Variants in PPM1L observed in about 807,000 individuals in gnomAD.
The protein encoded by PPM1L is protein phosphatase 1L.
Under a neutral mutation model 31.4 loss-of-function variants are expected in PPM1L, and 13 were observed. The ratio of observed to expected loss-of-function variants is 0.41; its 90% CI spans 0.27 to 0.66. PPM1L has a LOEUF of 0.66. Ranked by LOEUF, PPM1L falls within the 30% of genes least tolerant of loss-of-function variation. PPM1L has a pLI of 0.29. For missense variants in PPM1L, 326 were observed against 453.7 expected, an observed-to-expected ratio of 0.72 and a Z score of 2.56; for synonymous variants, 184 against 175.4, an observed-to-expected ratio of 1.05 and a Z score of -0.39.
chr3:160,948,217 G>A (rs1715470227), intron 1 of PPM1L, among the ~76,000 whole-genome samples: 1 of 152,162 alleles, frequency 6.6e-6, no homozygotes, highest in African/African-American at 2.4e-5. Flanking sequence ...TTCATGAACT[G>A]TATGCCCATC....
At chr3:161,053,798 A>T (rs968794904) in intron 2 of PPM1L, among the ~76,000 whole-genome samples, 10 of 152,226 alleles carry the variant, frequency 6.6e-5, no homozygotes, top group Non-Finnish European at 1.3e-4. Context: ...GAGCCAAAGT[A>T]TACCTAAATC....
chr3:160,835,969 C>T (rs924346026), intron 1 of PPM1L, among the ~76,000 whole-genome samples: 1 of 151,252 alleles, frequency 6.6e-6, no homozygotes, highest in Non-Finnish European at 1.5e-5. Context: ...GATCACATCC[C>T]ATGACTTCTT....
intron 1 of PPM1L, among the ~76,000 whole-genome samples, chr3:160,922,637 T>A (rs1714454880): frequency 6.6e-6 from 1 of 152,214 alleles, no homozygotes; most frequent in South Asian, 2.1e-4. Context: ...AACAGATACT[T>A]ACAATGAGAT....
chr3:160,760,847 A>G (rs912783995), intron 1 of PPM1L, among the ~76,000 whole-genome samples: 3 of 151,474 alleles, frequency 2.0e-5, no homozygotes, highest in Non-Finnish European at 2.9e-5. Context: ...CATGAGCACT[A>G]CTCTATTAAA....
intron 2 of PPM1L, among the ~76,000 whole-genome samples, chr3:160,977,764 C>A (rs942155252): frequency 6.6e-5 from 10 of 152,146 alleles, no homozygotes; most frequent in Non-Finnish European, 8.8e-5. Flanking sequence ...TAATAATATA[C>A]TTTAATTAAG....
chr3:160,925,567 C>T (rs1313951293), intron 1 of PPM1L, among the ~76,000 whole-genome samples: 1 of 152,092 alleles, frequency 6.6e-6, no homozygotes, highest in Non-Finnish European at 1.5e-5. Flanking sequence ...GGAAACTAAC[C>T]CGCCATTACT....
chr3:160,918,682 A>T (rs577236650), intron 1 of PPM1L, among the ~76,000 whole-genome samples: 1 of 152,346 alleles, frequency 6.6e-6, no homozygotes, highest in East Asian at 1.9e-4. Context: ...ATTTTAAAAA[A>T]TACTTTTGCA....
intron 1 of PPM1L, among the ~76,000 whole-genome samples, chr3:160,957,821 C>T (rs1040119253): frequency 3.9e-5 from 6 of 152,212 alleles, no homozygotes; most frequent in Non-Finnish European, 8.8e-5. Context: ...TGTGATCCGC[C>T]CGCCTCAGCC....
chr3:160,963,972 A>G (rs1716054170), intron 2 of PPM1L, among the ~76,000 whole-genome samples: 1 of 152,076 alleles, frequency 6.6e-6, no homozygotes, highest in Non-Finnish European at 1.5e-5. Context: ...ATCTTCAGCA[A>G]ATTAACCTCT....
intron 1 of PPM1L, among the ~76,000 whole-genome samples, chr3:160,802,924 G>GTCTT (rs1712477361): frequency 6.6e-6 from 1 of 152,210 alleles, no homozygotes; most frequent in Non-Finnish European, 1.5e-5. Context: ...GCTGTACAGA[G>GTCTT]TCTTGGGAGA....
intron 1 of PPM1L, among the ~76,000 whole-genome samples, chr3:160,846,485 T>A (rs1714079252): frequency 6.6e-6 from 1 of 152,166 alleles, no homozygotes; most frequent in African/African-American, 2.4e-5. Flanking sequence ...ATTGTGTGCC[T>A]TAAAAATGTT....
At chr3:160,943,252 C>T (rs962649170) in intron 1 of PPM1L, among the ~76,000 whole-genome samples, 3 of 152,106 alleles carry the variant, frequency 2.0e-5, no homozygotes, top group Non-Finnish European at 4.4e-5. Flanking sequence ...CCCAAGGTAG[C>T]CCTAAATCAT....
At chr3:160,956,335 G>A (rs1715773882) in intron 1 of PPM1L, among the ~76,000 whole-genome samples, 1 of 152,160 alleles carries the variant, frequency 6.6e-6, no homozygotes, top group African/African-American at 2.4e-5. Context: ...TCTAGCTGTT[G>A]CCGAAGTCAT....
rs1165551989 is a variant in PPM1L, at chr3:161,073,401, G to T, written c.*4244G>T. On this transcript the variant is annotated 3_prime_UTR_variant, in exon 4 of 4. Transcript: ENST00000498165. Reference sequence around the variant, plus strand: ...ATATTGCTGTGTTTTCATTCACGATGACTCTTAGTAGCAGTACAATTTGCA... The same window carrying T: ...ATATTGCTGTGTTTTCATTCACGATTACTCTTAGTAGCAGTACAATTTGCA... 1 of 152,260 alleles carries T rather than the reference G, an allele frequency of 6.6e-6. No individual in the cohort carries two copies. The highest frequency in any genetic ancestry group is 1.5e-5 in the Non-Finnish European group (1 of 68,032). The allele number at this position is 152,260 out of a possible 1,614,324, so 9.4% of individuals were successfully genotyped here. A position where few individuals can be genotyped will look rare whatever the true frequency, so the allele number is the denominator to read the frequency against.
intron 1 of PPM1L, among the ~76,000 whole-genome samples, chr3:160,872,357 C>T (rs1712338838): frequency 6.6e-6 from 1 of 152,078 alleles, no homozygotes; most frequent in South Asian, 2.1e-4. Context: ...TTTTTTCTCC[C>T]TCTTTCATCC....
chr3:160,774,902 A>G lies in PPM1L; in HGVS notation c.399+18195A>G, dbSNP rs564548413. On this transcript the variant is annotated intron_variant, in intron 1 of 3. Transcript: ENST00000498165. ...AGGGTTCACCTTTCTTGAGTTTCAC[A>G]TCTCTATTGTGTTCCAGTGATAATG... 3.9e-5 allele frequency among the ~76,000 whole-genome samples: 6 copies of G among 152,316 alleles called. No individual in the cohort carries two copies. The East Asian group carries it at 9.6e-4, about 24-fold the overall frequency.
At chr3:160,973,438 G>T (rs1252492167) in intron 2 of PPM1L, among the ~76,000 whole-genome samples, 1 of 152,188 alleles carries the variant, frequency 6.6e-6, no homozygotes, top group Non-Finnish European at 1.5e-5. Flanking sequence ...GTACTATCGG[G>T]ATTGTGTAAA....
chr3:160,823,305 T>C (rs1159749056), intron 1 of PPM1L, among the ~76,000 whole-genome samples: 1 of 152,176 alleles, frequency 6.6e-6, no homozygotes, highest in East Asian at 1.9e-4. Context: ...AAATAGTTGA[T>C]ATATGATATA....
At chr3:161,039,676 C>T (rs1303807205) in intron 2 of PPM1L, among the ~76,000 whole-genome samples, 1 of 152,084 alleles carries the variant, frequency 6.6e-6, no homozygotes, top group Admixed American at 6.6e-5. Context: ...GTGCCCGCCA[C>T]CACACCCGGC....
Sources: gnomAD v4.1 joint callset for allele counts (sites outside exome capture counted in the v4.1 genomes callset) on GRCh38, gnomAD v4.1.1 for gene constraint, MANE v1.5 for transcripts, NCBI Gene and HGNC (gene_info 2026-07-23, HGNC 2026-07-21) for gene names.